KEL: variants seen among roughly 807,000 people sequenced by gnomAD.
KEL encodes the protein Kell metallo-endopeptidase (Kell blood group).
KEL carries 96 observed loss-of-function variants against 99.5 expected under a neutral mutation model. The ratio of observed to expected loss-of-function variants is 0.97; its 90% CI spans 0.82 to 1.14. The LOEUF (loss-of-function observed/expected upper bound fraction) is 1.14, where lower values mean the gene tolerates loss of function less well. Ranked by LOEUF, KEL falls within the 50% of genes most tolerant of loss-of-function variation. The probability of loss-of-function intolerance (pLI) is 0.00; values close to 1 mark genes in which losing one functional copy is unlikely to be tolerated. For synonymous variants in KEL, 355 were observed against 354.8 expected, an observed-to-expected ratio of 1.00 and a Z score of -0.01; for missense variants, 926 against 924.2, an observed-to-expected ratio of 1.00 and a Z score of -0.03.
rs1279343626 is a variant in KEL, at chr7:142,961,441, C to T, written c.142G>A (p.Val48Met). Residue 48 changes from valine to methionine, a missense_variant, in exon 3 of 19, where the codon GTG becomes ATG. Transcript: ENST00000355265. Reference sequence around the variant, plus strand: ...CCCAAAATCAGGATAGCTGTCAGCACCCGCCTGGCCACTGCCCATGGCCTG... The same window carrying T: ...CCCAAAATCAGGATAGCTGTCAGCATCCGCCTGGCCACTGCCCATGGCCTG... ...GSRPWAVARRVLTAILILGLL... is the reference protein window; with the variant it reads ...GSRPWAVARRMLTAILILGLL... 3.1e-6 allele frequency: 5 copies of T among 1,612,958 alleles called. No individual in the cohort carries two copies. The highest frequency in any genetic ancestry group is 2.2e-5 in the East Asian group (1 of 44,870).
chr7:142,958,035 G>T, intron 5 of KEL, 62 bp from the exon 6 acceptor site: 4 of 1,581,106 alleles, frequency 2.5e-6, no homozygotes, highest in Non-Finnish European at 2.6e-6. Context: ...CCATTGTCTG[G>T]ATCGGCTCTT....
intron 10 of KEL, among the ~76,000 whole-genome samples, chr7:142,949,615 T>A (rs919705263): frequency 6.6e-6 from 1 of 152,246 alleles, no homozygotes; most frequent in Non-Finnish European, 1.5e-5. Flanking sequence ...CCTGGAGAAG[T>A]ACCTGAAGTA....
intron 6 of KEL, among the ~76,000 whole-genome samples, chr7:142,955,452 C>CA (rs1796806653): frequency 6.6e-6 from 1 of 151,846 alleles, no homozygotes; most frequent in Admixed American, 6.6e-5. Flanking sequence ...AATCTTTTTT[C>CA]AAAAAAATTC....
intron 15 of KEL, 65 bp from the exon 16 acceptor site, chr7:142,943,408 C>A: frequency 6.2e-7 from 1 of 1,608,726 alleles, no homozygotes; most frequent in Non-Finnish European, 8.5e-7. Flanking sequence ...AATTCTCCAA[C>A]CGTAAGTCCC....
intron 10 of KEL, 95 bp downstream of exon 10, chr7:142,952,414 C>A (rs1268366936): frequency 2.0e-5 from 30 of 1,488,710 alleles, no homozygotes; most frequent in Non-Finnish European, 2.8e-5. Flanking sequence ...ACCATCACGG[C>A]CCCCTCCCTG....
At chr7:142,944,797 G>T in intron 11 of KEL, 56 bp from the exon 12 acceptor site, 1 of 1,372,978 alleles carries the variant, frequency 7.3e-7, no homozygotes, top group Non-Finnish European at 1.0e-6. Context: ...CCTCAGCCTG[G>T]CCCTGCCCAC....
chr7:142,955,932 G>A (rs887225235), intron 6 of KEL, among the ~76,000 whole-genome samples: 7 of 152,172 alleles, frequency 4.6e-5, no homozygotes, highest in Admixed American at 4.6e-4. Flanking sequence ...TCTTCTCTGA[G>A]CTGACCCCTC....
intron 16 of KEL, 106 bp downstream of exon 16, chr7:142,943,170 C>A: frequency 6.5e-7 from 1 of 1,541,674 alleles, no homozygotes; most frequent in Non-Finnish European, 8.9e-7. Flanking sequence ...CCCAGGACTG[C>A]CCCACCTCAA....
At chr7:142,942,749 A>G in intron 17 of KEL, 126 bp downstream of exon 17, 1 of 1,224,222 alleles carries the variant, frequency 8.2e-7, no homozygotes, top group Non-Finnish European at 1.2e-6. Flanking sequence ...CCGTCTATTC[A>G]GTGGGGATGC....
intron 6 of KEL, among the ~76,000 whole-genome samples, chr7:142,956,006 A>G (rs1796821526): frequency 6.6e-6 from 1 of 151,794 alleles, no homozygotes; most frequent in Non-Finnish European, 1.5e-5. Context: ...CATCTCTCCA[A>G]TAGTACTCTC....
intron 3 of KEL, 59 bp downstream of exon 3, chr7:142,961,287 GAGCAGGGACTGGGC>G: frequency 6.2e-7 from 1 of 1,601,836 alleles, no homozygotes; most frequent in Non-Finnish European, 8.5e-7. Context: ...GAAGCCCCAG[GAGCAGGGACTGGGC>G]CTGGGCCCCA....
At chr7:142,954,102 A>T in intron 8 of KEL, 82 bp downstream of exon 8, 1 of 1,456,106 alleles carries the variant, frequency 6.9e-7, no homozygotes, top group Non-Finnish European at 9.5e-7. Context: ...TATTAAGGGC[A>T]CTAGGAGGAA....
At chr7:142,951,884 T>C (rs1265483830) in intron 10 of KEL, among the ~76,000 whole-genome samples, 14 of 152,092 alleles carry the variant, frequency 9.2e-5, no homozygotes, top group Admixed American at 9.2e-4. Context: ...TAGACTCTTC[T>C]GCTTGCATTT....
intron 11 of KEL, chr7:142,944,992 C>T: frequency 1.7e-6 from 1 of 576,726 alleles, no homozygotes; most frequent in Non-Finnish European, 3.1e-6. Context: ...AGTTCCTTTC[C>T]ATGGGGAAAT....
intron 9 of KEL, 92 bp downstream of exon 9, chr7:142,953,716 T>G: frequency 6.7e-7 from 1 of 1,489,398 alleles, no homozygotes; most frequent in Non-Finnish European, 9.3e-7. Flanking sequence ...CTTACCAGCC[T>G]GCCTTCCCCA....
At position 142,943,857 on chromosome 7, in the gene KEL, C is replaced by T; in HGVS notation, c.1518G>A (p.Gln506=). 1.2e-6 allele frequency: 2 copies of T among 1,614,146 alleles called. No homozygotes were observed. The change falls in exon 14 of 19, where the codon CAG becomes CAA. Residue 506 remains glutamine (Q), a synonymous_variant. Coordinates refer to ENST00000355265, the MANE Select transcript of KEL (RefSeq NM_000420.3). ...NDIQLGSSFL[Q]SVLSCVRSLR... is the part of the protein sequence containing the mutation. Reference sequence around the variant, plus strand: ...GGGACCGGACACAGCTCAGGACAGACTGCAGGAAGCTCGATCCAAGCTGTA... The same window carrying T: ...GGGACCGGACACAGCTCAGGACAGATTGCAGGAAGCTCGATCCAAGCTGTA...
Position 142,958,422 on chromosome 7 carries a change from T to C in KEL, c.407A>G (p.Gln136Arg). ...KNRLRRILEV[Q>R]NSWHPGSGEE... is the part of the protein sequence containing the mutation. Reference sequence around the variant, plus strand: ...CCCAGAGCCTGGGTGCCAGGAATTCTGGACCTCTAGAAAGGAAGCATGGGA... The same window carrying C: ...CCCAGAGCCTGGGTGCCAGGAATTCCGGACCTCTAGAAAGGAAGCATGGGA... The change falls in exon 5 of 19, where the codon CAG (glutamine) becomes CGG (arginine). Residue 136 changes from glutamine to arginine, a missense_variant. Coordinates refer to ENST00000355265, the MANE Select transcript of KEL (RefSeq NM_000420.3). 6.2e-7 allele frequency: 1 copy of C among 1,614,022 alleles called. No individual in the cohort carries two copies. Among genetic ancestry groups the C allele is most frequent in the Non-Finnish European group, 8.5e-7 (1 of 1,180,020 alleles).
In KEL at chr7:142,943,546, T is replaced by G. The variant is rs61729033; in HGVS notation, c.1643A>C (p.His548Pro). Residue 548 changes from histidine (H) to proline (P), a missense_variant, in exon 15 of 19, where the codon CAT becomes CCT. His to Pro is a moderately conservative substitution (Grantham distance 77, BLOSUM62 -2). Coordinates refer to ENST00000355265, the MANE Select transcript of KEL (RefSeq NM_000420.3). ...GAGTCCAGCTGGAAAGACTACCACA[T>G]GGTCAGATACCGAATAGTAAGCATT... Reference protein sequence around the residue: ...DVNAYYSVSDHVVVFPAGLLQ... With the variant: ...DVNAYYSVSDPVVVFPAGLLQ... The G allele has an allele frequency of 6.2e-6, 10 of 1,614,162 alleles. No individual in the cohort carries two copies. Among genetic ancestry groups the G allele is most frequent in the Non-Finnish European group, 8.5e-7 (1 of 1,180,020 alleles).
Position 142,961,022 on chromosome 7 carries a change from G to T in KEL, c.306C>A (p.Asp102Glu). The change falls in exon 4 of 19, where the codon GAC becomes GAA. Residue 102 changes from aspartate to glutamate, a missense_variant. Physicochemically the swap from Asp to Glu is conservative, Grantham distance 45 (BLOSUM62 2). Transcript: ENST00000355265. ...CCCTTCCACAGGCAAAGCTGAAGAA[G>T]TCGGTGCAGGGGGCCACACTTGTGT... ...SGNTSVAPCTDFFSFACGRAK... is the reference protein window; with the variant it reads ...SGNTSVAPCTEFFSFACGRAK... 1.9e-6 allele frequency: 3 copies of T among 1,614,222 alleles called. No homozygotes were observed. Among genetic ancestry groups the T allele is most frequent in the Non-Finnish European group, 1.7e-6 (2 of 1,180,040 alleles).
Sources: allele counts gnomAD v4.1 joint callset (sites outside exome capture counted in the v4.1 genomes callset), GRCh38; gene constraint gnomAD v4.1.1; transcripts MANE v1.5; gene names NCBI Gene and HGNC (gene_info 2026-07-23, HGNC 2026-07-21).